The following SERPINB5 variants were observed in gnomAD, a reference collection of about 807,000 sequenced individuals.
The protein encoded by SERPINB5 is serpin B5.
SERPINB5 carries 27 observed loss-of-function variants against 32.2 expected under a neutral mutation model. That is an observed-to-expected ratio of 0.84 (90% CI 0.62 to 1.16). The LOEUF is 1.16. Among genes scored for constraint, SERPINB5 ranks in the 50% most tolerant of loss-of-function variants. The probability of loss-of-function intolerance (pLI) is 0.00; values close to 1 mark genes in which losing one functional copy is unlikely to be tolerated. For synonymous variants in SERPINB5, 154 were observed against 157.4 expected (o/e 0.98, Z 0.16); for missense variants, 388 against 436.3 (o/e 0.89, Z 0.99).
chr18:63,491,283 T>C (rs946714005), intron 4 of SERPINB5, among the ~76,000 whole-genome samples: 1 of 150,652 alleles, frequency 6.6e-6, no homozygotes, highest in African/African-American at 2.4e-5. Flanking sequence ...GCACCTGTAG[T>C]CCCAGCTACT....
chr18:63,489,967 C>T (rs1221106412), intron 4 of SERPINB5, among the ~76,000 whole-genome samples: 1 of 152,090 alleles, frequency 6.6e-6, no homozygotes, highest in African/African-American at 2.4e-5. Context: ...CCAAGGCGGG[C>T]GGATCACGAG....
chr18:63,501,630 CA>C (rs1909573762), intron 6 of SERPINB5, among the ~76,000 whole-genome samples: 1 of 152,190 alleles, frequency 6.6e-6, no homozygotes, highest in East Asian at 1.9e-4. Flanking sequence ...CTGACTTCCA[CA>C]GTGGTTGAAC....
At position 63,504,694 on chromosome 18, in the gene SERPINB5, G is replaced by A. The variant is rs568730338; in HGVS notation, c.*972G>A. On this transcript the variant is annotated 3_prime_UTR_variant, in exon 7 of 7. Transcript: ENST00000382771. ...TTGCACAGGGATTCTCACAATAGCC[G>A]ATATCAGAATTTGTGTTGAAGGAAC... 2.0e-5 allele frequency: 3 copies of A among 152,310 alleles called. No individual in the cohort carries two copies. The highest frequency in any genetic ancestry group is 3.9e-4 in the East Asian group (2 of 5,186). 9.4% of individuals were successfully genotyped at this position (152,310 alleles called of 1,614,324 possible). A position where few individuals can be genotyped will look rare whatever the true frequency, so the allele number is the denominator to read the frequency against.
intron 3 of SERPINB5, among the ~76,000 whole-genome samples, chr18:63,488,161 T>G (rs1380330570): frequency 6.6e-6 from 1 of 152,210 alleles, no homozygotes; most frequent in Non-Finnish European, 1.5e-5. Flanking sequence ...TGGCTGAGGC[T>G]TTCTAATGTT....
At chr18:63,481,185 A>T (rs1917121475) in intron 1 of SERPINB5, among the ~76,000 whole-genome samples, 1 of 152,256 alleles carries the variant, frequency 6.6e-6, no homozygotes, top group African/African-American at 2.4e-5. Flanking sequence ...AGCCACAATG[A>T]TCTTGTATCC....
chr18:63,488,397 AGTTTT>A (rs1297185253), intron 3 of SERPINB5, among the ~76,000 whole-genome samples: 2 of 152,148 alleles, frequency 1.3e-5, no homozygotes, highest in Non-Finnish European at 2.9e-5. Flanking sequence ...GGAGTTGTAA[AGTTTT>A]GTTTTGTTTT....
At chr18:63,478,758 G>GTTTTTTTTTTTTTTTTTTTT (rs10669993) in intron 1 of SERPINB5, among the ~76,000 whole-genome samples, 3 of 135,382 alleles carry the variant, frequency 2.2e-5, no homozygotes, top group Non-Finnish European at 1.5e-5. Flanking sequence ...TAAAAACGTA[G>GTTTTTTTTTTTTTTTTTTTT]TTTTTTTTTT....
intron 2 of SERPINB5, chr18:63,485,957 G>C (rs548340968): frequency 1.3e-5 from 2 of 152,120 alleles, no homozygotes; most frequent in African/African-American, 4.8e-5. Flanking sequence ...GACATTACAT[G>C]TTGTGGTGTT....
In SERPINB5 at chr18:63,484,589, T is replaced by C. The variant is rs1368073100; in HGVS notation, c.161T>C (p.Ile54Thr). The stretch of plus-strand genomic sequence containing the variant: ...GCTAAAGGTGACACTGCAAATGAAA[T>C]TGGACAGGTAAGCCCCAAAACCTTG... ...VGAKGDTANE[I>T]GQVLHFENVK... The change falls in exon 2 of 7, where the codon ATT becomes ACT. Residue 54 changes from isoleucine to threonine, a missense_variant. By Grantham distance (89) the Ile-to-Thr change is moderately conservative (BLOSUM62 -1). Transcript: ENST00000382771. The C allele has an allele frequency of 1.4e-5, 23 of 1,613,286 alleles. No individual in the cohort carries two copies. Among genetic ancestry groups the C allele is most frequent in the Non-Finnish European group, 1.9e-5 (23 of 1,179,792 alleles).
rs532577317 is a variant in SERPINB5 at position 63,482,857 on chromosome 18, AAT to A, written c.-7-1556_-7-1555del. On this transcript the variant is annotated intron_variant, in intron 1 of 6. Transcript: ENST00000382771. The stretch of plus-strand genomic sequence containing the variant: ...ATAATAATTAAATACTAATATGAAT[AAT>A]ATATATATTAAAAAACATTTTCTAA... 2.1e-3 allele frequency among the ~76,000 whole-genome samples: 319 copies of A among 150,566 alleles called. 2 individuals are homozygous for A. Among genetic ancestry groups the A allele is most frequent in the African/African-American group, 7.4e-3 (304 of 41,260 alleles).
intron 4 of SERPINB5, among the ~76,000 whole-genome samples, chr18:63,489,989 G>A (rs1279445199): frequency 2.0e-5 from 3 of 152,142 alleles, no homozygotes; most frequent in African/African-American, 7.2e-5. Context: ...TCAGGAGATC[G>A]AGACCATCCT....
At chr18:63,497,545 C>A (rs1599393270) in intron 5 of SERPINB5, 1 of 397,092 alleles carries the variant, frequency 2.5e-6, no homozygotes, top group Admixed American at 3.7e-5. Context: ...CTCAAAGGGA[C>A]TTAGAGATAA....
intron 6 of SERPINB5, among the ~76,000 whole-genome samples, chr18:63,502,129 T>A (rs1204277800): frequency 2.1e-5 from 3 of 144,032 alleles, no homozygotes; most frequent in African/African-American, 7.9e-5. Context: ...TTTTGAGTTT[T>A]GGAAATGATT....
chr18:63,503,060 A>G (rs772411222), intron 6 of SERPINB5, among the ~76,000 whole-genome samples: 3 of 151,898 alleles, frequency 2.0e-5, no homozygotes, highest in Non-Finnish European at 2.9e-5. Flanking sequence ...ACAAAAAACT[A>G]CTCTCTAACT....
rs1223163987 is a variant in SERPINB5 at position 63,505,030 on chromosome 18, A to T, written c.*1308A>T. 6.6e-6 allele frequency: 1 copy of T among 152,042 alleles called. No homozygotes were observed. Among genetic ancestry groups the T allele is most frequent in the Non-Finnish European group, 1.5e-5 (1 of 68,034 alleles). 9.4% of individuals were successfully genotyped at this position (152,042 alleles called of 1,614,324 possible). A position where few individuals can be genotyped will look rare whatever the true frequency, so the allele number is the denominator to read the frequency against. The stretch of plus-strand genomic sequence containing the variant: ...TTGTAAATAGGTTCTTCTTGTTCTG[A>T]GATTCAATATTGAATTTTTCCTATG... On this transcript the variant is annotated 3_prime_UTR_variant, in exon 7 of 7. Transcript: ENST00000382771.
In SERPINB5 at chr18:63,499,745, T is replaced by C. The variant is rs187069129; in HGVS notation, c.735+458T>C. ...CCTCCTAGGCAGTTAAGGCACTACG[T>C]TGCTACGCACTGCCAGGTCCACTAT... is the stretch of plus-strand genomic sequence containing the variant. On this transcript the variant is annotated intron_variant, in intron 6 of 6. Transcript: ENST00000382771. Among the ~76,000 whole-genome samples, 225 of 152,262 alleles carry C rather than the reference T, an allele frequency of 1.5e-3. 1 individual carries two copies. Among genetic ancestry groups the C allele is most frequent in the African/African-American group, 5.1e-3 (212 of 41,560 alleles).
intron 5 of SERPINB5, among the ~76,000 whole-genome samples, chr18:63,494,164 A>T (rs1323996648): frequency 6.6e-6 from 1 of 151,866 alleles, no homozygotes; most frequent in Non-Finnish European, 1.5e-5. Flanking sequence ...TCTACTAAAA[A>T]TACAAAAATT....
chr18:63,503,186 C>G, intron 6 of SERPINB5, 144 bp from the exon 7 acceptor site: 1 of 883,496 alleles, frequency 1.1e-6, no homozygotes, highest in Non-Finnish European at 1.7e-6. Context: ...GAGTCACATA[C>G]CAAAAACTTC....
At chr18:63,501,651 G>T (rs972555787) in intron 6 of SERPINB5, among the ~76,000 whole-genome samples, 17 of 152,112 alleles carry the variant, frequency 1.1e-4, no homozygotes, top group Non-Finnish European at 2.4e-4. Flanking sequence ...CTTGTTTACG[G>T]TCCCACCAAC....
Sources: allele counts gnomAD v4.1 joint callset (sites outside exome capture counted in the v4.1 genomes callset), GRCh38; gene constraint gnomAD v4.1.1; transcripts MANE v1.5; gene names NCBI Gene and HGNC (gene_info 2026-07-23, HGNC 2026-07-21).